PLIN5: variants seen among roughly 807,000 people sequenced by gnomAD.
PLIN5 encodes perilipin 5.
PLIN5 carries 34 observed loss-of-function variants against 32.8 expected under a neutral mutation model. The observed-to-expected ratio is 1.04, with a 90% CI of 0.79 to 1.38. PLIN5 has a LOEUF of 1.38. PLIN5 is among the 40% of genes most tolerant of loss of function. The pLI is 0.00. For missense variants in PLIN5, 712 were observed against 660.5 expected (o/e 1.08, Z -0.85); for synonymous variants, 309 against 292.9 (o/e 1.05, Z -0.56).
rs776709149 is a variant in PLIN5, at chr19:4,523,698, C to T, written c.1222G>A (p.Ala408Thr). 6.2e-7 allele frequency: 1 copy of T among 1,605,472 alleles called. No homozygotes were observed. The highest frequency in any genetic ancestry group is 1.1e-5 in the South Asian group (1 of 90,870). The change falls in exon 8 of 8, where the codon GCG (alanine) becomes ACG (threonine). Residue 408 changes from alanine to threonine, a missense_variant. Physicochemically the swap from Ala to Thr is moderately conservative, Grantham distance 58. Coordinates refer to ENST00000381848, the MANE Select transcript of PLIN5 (RefSeq NM_001013706.3). This position sits in a 1 kb window ranked among gnomAD's most constrained non-coding sequence, Gnocchi z 5.0. ...TGCTGGGCCGGCCAGTCCAGGTGCG[C>T]CCAGCGGGGGTCAGGGCCCCCGATG... is the stretch of plus-strand genomic sequence containing the variant. ...EVIGGPDPRW[A>T]HLDWPAQQRA...
Position 4,531,915 on chromosome 19 carries a change from A to G in PLIN5, c.61-93T>C, listed in dbSNP as rs541598275. 6.2e-4 allele frequency: 817 copies of G among 1,310,394 alleles called. 10 individuals carry two copies. In the South Asian group the frequency reaches 0.013, roughly 20 times the overall value. 81.2% of individuals were successfully genotyped at this position (1,310,394 alleles called of 1,614,324 possible). ...TCCCCTCTCTGGGCCAGGACGAGGG[A>G]TGGGAGAGTGGAAGGATGGAGTACT... On this transcript the variant is annotated intron_variant, in intron 2 of 7. Coordinates refer to ENST00000381848, the MANE Select transcript of PLIN5 (RefSeq NM_001013706.3).
In PLIN5 at chr19:4,523,816, G is replaced by C; in HGVS notation, c.1104C>G (p.Ala368=). Reference sequence around the variant, plus strand: ...GTCCCACCAGCCAGGGCAGCGGCACGGCCTGCACCACCAGCTCCAGCAGCT... The same window carrying C: ...GTCCCACCAGCCAGGGCAGCGGCACCGCCTGCACCACCAGCTCCAGCAGCT... ...VDELLELVVQ[A]VPLPWLVGPF... The change falls in exon 8 of 8, where the codon GCC becomes GCG. Residue 368 remains alanine (A), a synonymous_variant. Coordinates refer to ENST00000381848, the MANE Select transcript of PLIN5 (RefSeq NM_001013706.3). This position sits in a 1 kb window ranked among gnomAD's most constrained non-coding sequence, Gnocchi z 5.0. 1 of 1,593,694 alleles carries C rather than the reference G, an allele frequency of 6.3e-7. No homozygotes were observed. Among genetic ancestry groups the C allele is most frequent in the Non-Finnish European group, 8.5e-7 (1 of 1,177,246 alleles).
rs562084552 is a variant in PLIN5, at chr19:4,525,877, A to G, written c.521-45T>C. The G allele has an allele frequency of 9.1e-7, 1 of 1,095,844 alleles. No individual in the cohort carries two copies. Among genetic ancestry groups the G allele is most frequent in the African/African-American group, 2.8e-5 (1 of 35,132 alleles). 67.9% of individuals were successfully genotyped at this position (1,095,844 alleles called of 1,614,324 possible). A position where few individuals can be genotyped will look rare whatever the true frequency, so the allele number is the denominator to read the frequency against. On this transcript the variant is annotated intron_variant, in intron 5 of 7. Transcript: ENST00000381848. This position sits in a 1 kb window ranked among gnomAD's most constrained non-coding sequence, Gnocchi z 5.6. ...GACAGCACGGGGACAGGATACGGGG[A>G]CAGCACGGGGACAGGATACGGGGAC... is the stretch of plus-strand genomic sequence containing the variant.
chr19:4,529,009 C>T, intron 5 of PLIN5, 64 bp downstream of exon 5: 1 of 1,533,212 alleles, frequency 6.5e-7, no homozygotes, highest in African/African-American at 1.4e-5. Flanking sequence ...CCTCTCTGAT[C>T]TGTACCACAG....
Position 4,525,317 on chromosome 19 carries a change from C to T in PLIN5, c.721-241G>A, listed in dbSNP as rs548557508. On this transcript the variant is annotated intron_variant, in intron 6 of 7. Transcript: ENST00000381848. This position sits in a 1 kb window ranked among gnomAD's most constrained non-coding sequence, Gnocchi z 5.6. Reference sequence around the variant, plus strand: ...CACAGGTGCCCTCTGGTGGCTGCTGCGGGGAGGGAAGAGCTGAGGATGGGA... The same window carrying T: ...CACAGGTGCCCTCTGGTGGCTGCTGTGGGGAGGGAAGAGCTGAGGATGGGA... Among the ~76,000 whole-genome samples, 1 of 152,028 alleles carries T rather than the reference C, an allele frequency of 6.6e-6. No individual in the cohort carries two copies. The highest frequency in any genetic ancestry group is 1.5e-5 in the Non-Finnish European group (1 of 67,980).
At chr19:4,529,585 C>CTTAT (rs1976855595) in intron 4 of PLIN5, 199 bp downstream of exon 4, 2 of 509,424 alleles carry the variant, frequency 3.9e-6, no homozygotes, top group Admixed American at 3.3e-5. Context: ...TACATATATA[C>CTTAT]ACTATACGTA....
In PLIN5 at chr19:4,525,709, T is replaced by C. The variant is rs767151756; in HGVS notation, c.644A>G (p.His215Arg). 1.9e-6 allele frequency: 3 copies of C among 1,613,638 alleles called. No individual in the cohort carries two copies. The Admixed American group carries it at 5.0e-5, about 27-fold the overall frequency. The change falls in exon 6 of 8, where the codon CAC (histidine) becomes CGC (arginine). Residue 215 changes from histidine (H) to arginine (R), a missense_variant. Coordinates refer to ENST00000381848, the MANE Select transcript of PLIN5 (RefSeq NM_001013706.3). This position sits in a 1 kb window ranked among gnomAD's most constrained non-coding sequence, Gnocchi z 5.6. The stretch of plus-strand genomic sequence containing the variant: ...GCTCTGCCTCAGTTTCCCCACAGAG[T>C]GCTCGTAGGCCAGGTGGCGGATCCG... The part of the protein sequence containing the change: ...SARIRHLAYE[H>R]SVGKLRQSKH...
intron 7 of PLIN5, among the ~76,000 whole-genome samples, chr19:4,524,606 G>A (rs1030968941): frequency 7.9e-5 from 12 of 152,112 alleles, no homozygotes; most frequent in Non-Finnish European, 1.6e-4. Context: ...TAGGCTATAG[G>A]TTCAGGGAGA....
At chr19:4,529,355 A>G (rs111485269) in intron 4 of PLIN5, 102 bp from the exon 5 acceptor site, 16 of 1,315,290 alleles carry the variant, frequency 1.2e-5, no homozygotes, top group Admixed American at 2.5e-5. Context: ...CTGGACTTCT[A>G]CCTGGCTCCG....
At chr19:4,531,093 C>T (rs188998011) in intron 3 of PLIN5, among the ~76,000 whole-genome samples, 4 of 152,026 alleles carry the variant, frequency 2.6e-5, no homozygotes, top group African/African-American at 7.2e-5. Flanking sequence ...TTCTGCCTCC[C>T]GGGTTCAAGC....
chr19:4,523,617 T>A lies in PLIN5; in HGVS notation c.1303A>T (p.Met435Leu). 6.2e-7 allele frequency: 1 copy of A among 1,610,988 alleles called. No individual in the cohort carries two copies. The highest frequency in any genetic ancestry group is 1.1e-5 in the South Asian group (1 of 90,314). ...DGSGNGDGDR[M>L]GVAGDICEQE... ...TCGCAGATGTCCCCGGCAACACCCA[T>A]CCTGTCCCCATCCCCATTCCCACTC... The change falls in exon 8 of 8, where the codon ATG (methionine) becomes TTG (leucine). Residue 435 changes from methionine (M) to leucine (L), a missense_variant. Physicochemically the swap from Met to Leu is conservative, Grantham distance 15. Transcript: ENST00000381848. This position sits in a 1 kb window ranked among gnomAD's most constrained non-coding sequence, Gnocchi z 5.0.
chr19:4,527,688 C>T (rs1302085800), intron 5 of PLIN5, among the ~76,000 whole-genome samples: 2 of 150,778 alleles, frequency 1.3e-5, no homozygotes, highest in African/African-American at 4.9e-5. Flanking sequence ...CTACTAAATA[C>T]ACAAAAATTA....
At position 4,529,087 on chromosome 19, in the gene PLIN5, G is replaced by A. The variant is rs199498374; in HGVS notation, c.506C>T (p.Thr169Met). ...GTCGTCCTCACCGAGCTCTTCCTCC[G>A]TCATGGGCAGGAAGTGATCCACCAG... Reference protein sequence around the residue: ...EELVDHFLPMTEEELAALAAE... With the variant: ...EELVDHFLPMMEEELAALAAE... The change falls in exon 5 of 8, where the codon ACG (threonine) becomes ATG (methionine). Residue 169 changes from threonine to methionine, a missense_variant. Physicochemically the swap from Thr to Met is moderately conservative, Grantham distance 81. Transcript: ENST00000381848. The A allele has an allele frequency of 3.7e-4, 592 of 1,612,974 alleles. No homozygotes were observed. Among genetic ancestry groups the A allele is most frequent in the Non-Finnish European group, 4.6e-4 (540 of 1,179,918 alleles).
In PLIN5 at chr19:4,523,649, C is replaced by G. The variant is rs1396750195; in HGVS notation, c.1271G>C (p.Arg424Thr). 4.3e-6 allele frequency: 7 copies of G among 1,611,046 alleles called. No homozygotes were observed. Among genetic ancestry groups the G allele is most frequent in the Non-Finnish European group, 5.9e-6 (7 of 1,179,780 alleles). ...AQQRAWEAEH[R>T]DGSGNGDGDR... ...CCCATCCCCATTCCCACTCCCGTCC[C>G]TGTGCTCTGCCTCCCAGGCTCTCTG... Residue 424 changes from arginine (R) to threonine (T), a missense_variant, in exon 8 of 8, where the codon AGG (arginine) becomes ACG (threonine). By Grantham distance (71) the Arg-to-Thr change is moderately conservative. Transcript: ENST00000381848. The surrounding 1 kb of genome is among the most constrained non-coding windows in gnomAD (Gnocchi z 5.0).
rs949114479 is a variant in PLIN5, at chr19:4,525,550, G to C, written c.720+83C>G. The stretch of plus-strand genomic sequence containing the variant: ...CAGCTCCGCCTCCTGCTTTAGGCTA[G>C]CACGGGATCCGGTATTCAGCTGGTG... On this transcript the variant is annotated intron_variant, in intron 6 of 7. Transcript: ENST00000381848. This position sits in a 1 kb window ranked among gnomAD's most constrained non-coding sequence, Gnocchi z 5.6. 9.2e-6 allele frequency: 14 copies of C among 1,524,850 alleles called. No individual in the cohort carries two copies. In the African/African-American group the frequency reaches 1.2e-4, roughly 13 times the overall value. The allele number at this position is 1,524,850 out of a possible 1,614,324, so 94.5% of individuals were successfully genotyped here. A position where few individuals can be genotyped will look rare whatever the true frequency, so the allele number is the denominator to read the frequency against.
intron 3 of PLIN5, among the ~76,000 whole-genome samples, 163 bp from the exon 4 acceptor site, chr19:4,530,029 G>A (rs1272451482): frequency 6.6e-6 from 1 of 152,186 alleles, no homozygotes; most frequent in Non-Finnish European, 1.5e-5. Flanking sequence ...ATGGAGACGA[G>A]ACCCACACCA....
intron 7 of PLIN5, among the ~76,000 whole-genome samples, chr19:4,524,580 G>A (rs1386569777): frequency 6.6e-6 from 1 of 152,132 alleles, no homozygotes; most frequent in Admixed American, 6.6e-5. Flanking sequence ...AAAGTGGAAA[G>A]TGGAGAGATG....
chr19:4,523,814 A>C lies in PLIN5; in HGVS notation c.1106T>G (p.Val369Gly). 6.3e-7 allele frequency: 1 copy of C among 1,593,992 alleles called. No individual in the cohort carries two copies. The highest frequency in any genetic ancestry group is 1.7e-5 in the Admixed American group (1 of 59,654). ...GGGTCCCACCAGCCAGGGCAGCGGC[A>C]CGGCCTGCACCACCAGCTCCAGCAG... ...DELLELVVQAVPLPWLVGPFA... is the reference protein window; with the variant it reads ...DELLELVVQAGPLPWLVGPFA... Residue 369 changes from valine (V) to glycine (G), a missense_variant, in exon 8 of 8, where the codon GTG becomes GGG. By Grantham distance (109) the Val-to-Gly change is moderately radical. Coordinates refer to ENST00000381848, the MANE Select transcript of PLIN5 (RefSeq NM_001013706.3). This position sits in a 1 kb window ranked among gnomAD's most constrained non-coding sequence, Gnocchi z 5.0.
Position 4,523,336 on chromosome 19 carries a change from G to C in PLIN5, c.*192C>G. ...AGGGTTCGAGGCCCTGCTCCCCCGG[G>C]CCTCTTTGTCCATGTGTTCAAGGAA... On this transcript the variant is annotated 3_prime_UTR_variant, in exon 8 of 8. Transcript: ENST00000381848. The surrounding 1 kb of genome is among the most constrained non-coding windows in gnomAD (Gnocchi z 5.0). The C allele has an allele frequency of 1.7e-6, 1 of 586,408 alleles. No individual in the cohort carries two copies. Among genetic ancestry groups the C allele is most frequent in the Non-Finnish European group, 2.7e-6 (1 of 364,012 alleles). The allele number at this position is 586,408 out of a possible 1,614,324, so 36.3% of individuals were successfully genotyped here.
Sources: gnomAD v4.1 joint callset for allele counts (sites outside exome capture counted in the v4.1 genomes callset) on GRCh38, gnomAD v4.1.1 for gene constraint, Gnocchi (gnomAD v3.1) non-coding constraint, MANE v1.5 for transcripts, NCBI Gene and HGNC (gene_info 2026-07-23, HGNC 2026-07-21) for gene names.